NALF1: variants seen among roughly 807,000 people sequenced by gnomAD.
The protein encoded by NALF1 is NALCN channel auxiliary factor 1, also known as family with sequence similarity 155 member A.
A neutral mutation model predicts 48.4 loss-of-function variants in NALF1; 3 were observed. The observed-to-expected ratio is 0.06, with a 90% CI of 0.03 to 0.16. NALF1 has a LOEUF of 0.16. Ranked by LOEUF, NALF1 falls within the 10% of genes least tolerant of loss-of-function variation. NALF1 has a pLI of 1.00. For missense variants in NALF1, 526 were observed against 571.5 expected, an observed-to-expected ratio of 0.92 and a Z score of 0.81; for synonymous variants, 262 against 245.7, an observed-to-expected ratio of 1.07 and a Z score of -0.62.
chr13:107,437,222 A>G (rs1262143145), intron 1 of NALF1, among the ~76,000 whole-genome samples: 1 of 152,200 alleles, frequency 6.6e-6, no homozygotes, highest in East Asian at 1.9e-4. Context: ...CAATATTTAA[A>G]AAACAAAAAC....
intron 1 of NALF1, among the ~76,000 whole-genome samples, chr13:107,650,140 T>A (rs1203189767): frequency 6.6e-6 from 1 of 152,058 alleles, no homozygotes; most frequent in Admixed American, 6.5e-5. Context: ...TGGTGGCATA[T>A]CCTACACTGT....
intron 1 of NALF1, among the ~76,000 whole-genome samples, chr13:107,298,351 CAAAA>C (rs1192707023): frequency 0.028 from 468 of 16,468 alleles, no homozygotes; most frequent in African/African-American, 0.079. Flanking sequence ...GACTCCATCT[CAAAA>C]AAAAAAAAAA....
At chr13:107,550,901 G>GAA (rs75862379) in intron 1 of NALF1, among the ~76,000 whole-genome samples, 36 of 145,372 alleles carry the variant, frequency 2.5e-4, no homozygotes, top group Admixed American at 4.1e-4. Context: ...TTGACATTCA[G>GAA]AAAAAAAAAA....
chr13:107,737,530 A>T (rs948595610), intron 1 of NALF1, among the ~76,000 whole-genome samples: 1 of 152,188 alleles, frequency 6.6e-6, no homozygotes, highest in Admixed American at 6.5e-5. Context: ...TCCCATGTTT[A>T]TTAGCCATTT....
intron 1 of NALF1, among the ~76,000 whole-genome samples, chr13:107,811,661 GC>G (rs1323726298): frequency 6.6e-6 from 1 of 152,174 alleles, no homozygotes; most frequent in Non-Finnish European, 1.5e-5. Context: ...ATAGCAGAAT[GC>G]TACAGCCTGG....
chr13:107,810,252 A>G (rs1010557876), intron 1 of NALF1, among the ~76,000 whole-genome samples: 1 of 152,086 alleles, frequency 6.6e-6, no homozygotes, highest in African/African-American at 2.4e-5. Flanking sequence ...CAAATTTGAC[A>G]CTTTTAAACA....
At chr13:107,654,243 T>TACTGTAAAC (rs1404105760) in intron 1 of NALF1, among the ~76,000 whole-genome samples, 1 of 152,152 alleles carries the variant, frequency 6.6e-6, no homozygotes, top group Non-Finnish European at 1.5e-5. Context: ...TATTCAAGGC[T>TACTGTAAAC]ACTGTAAACA....
chr13:107,762,681 A>G (rs1020968163), intron 1 of NALF1, among the ~76,000 whole-genome samples: 12 of 152,206 alleles, frequency 7.9e-5, no homozygotes, highest in Non-Finnish European at 1.6e-4. Flanking sequence ...GAGGGAGGAC[A>G]TACAGAGTCG....
At chr13:107,374,153 CTCTG>C (rs1362163470) in intron 1 of NALF1, among the ~76,000 whole-genome samples, 1 of 152,156 alleles carries the variant, frequency 6.6e-6, no homozygotes, top group Non-Finnish European at 1.5e-5. Flanking sequence ...GTGTCGTTTT[CTCTG>C]TCTACTTTCC....
intron 2 of NALF1, among the ~76,000 whole-genome samples, chr13:107,200,403 G>A (rs1879487409): frequency 6.6e-6 from 1 of 152,152 alleles, no homozygotes; most frequent in Non-Finnish European, 1.5e-5. Context: ...ATCAAGCCAG[G>A]TTAAGGAGCT....
intron 1 of NALF1, among the ~76,000 whole-genome samples, chr13:107,791,780 C>T (rs56981999): frequency 2.5e-3 from 137 of 55,018 alleles, no homozygotes; most frequent in African/African-American, 8.5e-3. Flanking sequence ...GTGATCCCCG[C>T]CCCCCCCCGT....
At chr13:107,781,049 C>G (rs2138578047) in intron 1 of NALF1, among the ~76,000 whole-genome samples, 1 of 152,198 alleles carries the variant, frequency 6.6e-6, no homozygotes, top group East Asian at 1.9e-4. Context: ...GGAGAAATGT[C>G]AAATACTTAT....
intron 1 of NALF1, among the ~76,000 whole-genome samples, chr13:107,604,104 G>A (rs1393356363): frequency 6.6e-6 from 1 of 151,962 alleles, no homozygotes; most frequent in African/African-American, 2.4e-5. Flanking sequence ...AAAAGCATTC[G>A]AGCACACAAA....
chr13:107,550,678 A>G (rs759892273), intron 1 of NALF1, among the ~76,000 whole-genome samples: 9 of 152,102 alleles, frequency 5.9e-5, no homozygotes, highest in Non-Finnish European at 1.3e-4. Context: ...AATTTTGTAA[A>G]TAAGTCATTA....
intron 1 of NALF1, among the ~76,000 whole-genome samples, chr13:107,286,090 T>C (rs1206107410): frequency 6.6e-6 from 1 of 152,120 alleles, no homozygotes; most frequent in African/African-American, 2.4e-5. Context: ...ACACCAGAAG[T>C]CCACGCAGAT....
At chr13:107,721,289 A>G (rs1875978774) in intron 1 of NALF1, among the ~76,000 whole-genome samples, 1 of 152,144 alleles carries the variant, frequency 6.6e-6, no homozygotes, top group Non-Finnish European at 1.5e-5. Flanking sequence ...GGACAAAAAC[A>G]TCATCTTCCG....
intron 1 of NALF1, among the ~76,000 whole-genome samples, chr13:107,851,426 C>T (rs1286219540): frequency 6.6e-6 from 1 of 151,748 alleles, no homozygotes; most frequent in African/African-American, 2.4e-5. Context: ...CTGTTTATTA[C>T]TTTTCAAACC....
At chr13:107,220,953 T>C (rs1466421965) in intron 1 of NALF1, among the ~76,000 whole-genome samples, 7 of 151,952 alleles carry the variant, frequency 4.6e-5, no homozygotes, top group Admixed American at 3.3e-4. Context: ...ATAAACACCA[T>C]AGAATACTAG....
chr13:107,313,664 A>G (rs896537538), intron 1 of NALF1, among the ~76,000 whole-genome samples: 1 of 152,134 alleles, frequency 6.6e-6, no homozygotes, highest in African/African-American at 2.4e-5. Flanking sequence ...CTACCTTAAT[A>G]TGCTTATGTA....
Sources: gnomAD v4.1 joint callset for allele counts (sites outside exome capture counted in the v4.1 genomes callset) on GRCh38, gnomAD v4.1.1 for gene constraint, MANE v1.5 for transcripts, NCBI Gene and HGNC (gene_info 2026-07-23, HGNC 2026-07-21) for gene names.